MYO10: variants seen among roughly 807,000 people sequenced by gnomAD.
MYO10 encodes the protein myosin X.
MYO10 carries 133 observed loss-of-function variants against 257.3 expected under a neutral mutation model. The observed-to-expected ratio is 0.52, with a 90% confidence interval of 0.45 to 0.60. MYO10 has a LOEUF of 0.60. Among genes scored for constraint, MYO10 ranks in the 20% least tolerant of loss-of-function variants. The pLI, the probability that MYO10 is intolerant of heterozygous loss-of-function variation, is 0.00. For synonymous variants in MYO10, 1,104 were observed against 1,028.6 expected, an observed-to-expected ratio of 1.07 and a Z score of -1.40; for missense variants, 2,399 against 2,635.7, an observed-to-expected ratio of 0.91 and a Z score of 1.97.
rs1746443572 is a variant in MYO10, at chr5:16,936,279, C to T, written c.-471G>A. ...GCGCCGCGGCTCAGCCAGCTCTCGCCCGCGGGACTACAGCCCAGCGACCTC... is the reference window on the plus strand; with the variant it reads ...GCGCCGCGGCTCAGCCAGCTCTCGCTCGCGGGACTACAGCCCAGCGACCTC... On this transcript the variant is annotated 5_prime_UTR_variant, in exon 1 of 41. Coordinates refer to ENST00000513610, the MANE Select transcript of MYO10 (RefSeq NM_012334.3). The T allele has an allele frequency of 6.6e-6, 1 of 152,446 alleles. No individual in the cohort carries two copies. The highest frequency in any genetic ancestry group is 1.5e-5 in the Non-Finnish European group (1 of 68,758). The allele number at this position is 152,446 out of a possible 1,614,324, so 9.4% of individuals were successfully genotyped here.
chr5:16,802,836 G>T (rs1180795416), intron 3 of MYO10, among the ~76,000 whole-genome samples: 1 of 151,996 alleles, frequency 6.6e-6, no homozygotes. Context: ...AGTTTTAGAG[G>T]TTGGGTGTGG....
intron 5 of MYO10, among the ~76,000 whole-genome samples, chr5:16,782,266 C>T (rs1741446084): frequency 6.6e-6 from 1 of 152,128 alleles, no homozygotes. Context: ...TGGAGTCTGA[C>T]TAGATCAGGG....
chr5:16,813,773 A>C (rs1742514992), intron 3 of MYO10, among the ~76,000 whole-genome samples: 1 of 152,174 alleles, frequency 6.6e-6, no homozygotes, highest in African/African-American at 2.4e-5. Flanking sequence ...CCTTAAAAGC[A>C]GACAGCCTTT....
intron 3 of MYO10, among the ~76,000 whole-genome samples, chr5:16,807,924 A>G (rs1030748936): frequency 3.9e-5 from 6 of 152,036 alleles, no homozygotes; most frequent in African/African-American, 2.4e-5. Flanking sequence ...TCACTAATCA[A>G]TTAGGGACCT....
chr5:16,751,629 G>A (rs936931010), intron 19 of MYO10, among the ~76,000 whole-genome samples: 2 of 151,562 alleles, frequency 1.3e-5, no homozygotes, highest in African/African-American at 4.8e-5. Context: ...TTACAGGCAC[G>A]CGCCACCAAA....
chr5:16,803,706 A>G (rs376305488), intron 3 of MYO10, among the ~76,000 whole-genome samples: 5 of 152,362 alleles, frequency 3.3e-5, no homozygotes, highest in Admixed American at 1.3e-4. Context: ...CTTGAAAAGC[A>G]AAAAAGGAAA....
chr5:16,812,433 C>T (rs192365641), intron 3 of MYO10, among the ~76,000 whole-genome samples: 4 of 152,288 alleles, frequency 2.6e-5, no homozygotes, highest in African/African-American at 9.6e-5. Flanking sequence ...AGGAATGCAC[C>T]CACAGGAATA....
chr5:16,754,790 C>T lies in MYO10; in HGVS notation c.1929+38G>A, dbSNP rs763711014. ...AACCACCCCAGGAGGCTGTGTCCCT[C>T]GAGACAGATCCCAGCCTAGGACTGT... On this transcript the variant is annotated intron_variant, in intron 19 of 40. Coordinates refer to ENST00000513610, the MANE Select transcript of MYO10 (RefSeq NM_012334.3). The T allele has an allele frequency of 8.3e-5, 123 of 1,484,778 alleles. No homozygotes were observed. The East Asian group carries it at 1.1e-3, about 14-fold the overall frequency. The allele number at this position is 1,484,778 out of a possible 1,614,324, so 92.0% of individuals were successfully genotyped here.
chr5:16,675,644 A>G (rs993091095), intron 34 of MYO10, among the ~76,000 whole-genome samples: 2 of 152,274 alleles, frequency 1.3e-5, no homozygotes, highest in South Asian at 4.1e-4. Context: ...AGGCTGAGGC[A>G]TGAGAACGAC....
Position 16,794,650 on chromosome 5 carries a change from T to C in MYO10, c.463A>G (p.Ile155Val). Residue 155 changes from isoleucine to valine, a missense_variant, in exon 4 of 41, where the codon ATC becomes GTC. Around this residue, in one of 3 missense-constraint regions of MYO10, gnomAD observed 242 missense variants for 249.5 expected, o/e 0.97. Coordinates refer to ENST00000513610, the MANE Select transcript of MYO10 (RefSeq NM_012334.3). Reference protein sequence around the residue: ...WKRHDNQCILISGESGAGKTE... With the variant: ...WKRHDNQCILVSGESGAGKTE... ...ACTGGCTGTGAGCCCCGTTACCTGA[T>C]GAGGATGCACTGGTTGTCGTGGCGC... 6.2e-7 allele frequency: 1 copy of C among 1,607,918 alleles called. No individual in the cohort carries two copies. The highest frequency in any genetic ancestry group is 1.3e-5 in the African/African-American group (1 of 74,902).
At chr5:16,669,446 C>T (rs952702811) in intron 39 of MYO10, among the ~76,000 whole-genome samples, 2 of 152,104 alleles carry the variant, frequency 1.3e-5, no homozygotes, top group African/African-American at 4.8e-5. Flanking sequence ...CCTCATGATC[C>T]GCCCGCCTTG....
chr5:16,704,803 C>T, intron 21 of MYO10, 118 bp from the exon 22 acceptor site: 1 of 731,308 alleles, frequency 1.4e-6, no homozygotes. Context: ...TGATCCACCA[C>T]ATGGCCATGC....
At chr5:16,868,427 A>G (rs981420004) in intron 2 of MYO10, among the ~76,000 whole-genome samples, 3 of 151,264 alleles carry the variant, frequency 2.0e-5, no homozygotes, top group African/African-American at 4.8e-5. Flanking sequence ...ACACGGTGAA[A>G]CCCCGCCTCT....
chr5:16,707,903 C>T lies in MYO10; in HGVS notation c.2169+3005G>A, dbSNP rs183668834. Among the ~76,000 whole-genome samples the T allele has an allele frequency of 8.5e-5, 13 of 152,322 alleles. No individual in the cohort carries two copies. In the East Asian group the frequency reaches 1.9e-3, roughly 23 times the overall value. ...TTCAGACCTGGAGCCATGTCTAATT[C>T]GCTGCCTTCGACACTGGCTAAACTT... On this transcript the variant is annotated intron_variant, in intron 21 of 40. Transcript: ENST00000513610.
chr5:16,671,383 T>C (rs774694629), intron 38 of MYO10, 39 bp downstream of exon 38: 5 of 1,610,138 alleles, frequency 3.1e-6, no homozygotes, highest in Non-Finnish European at 4.2e-6. Flanking sequence ...TCACCCTTGC[T>C]TGCCGGCAAA....
chr5:16,754,707 C>A, intron 19 of MYO10, 121 bp downstream of exon 19: 1 of 561,086 alleles, frequency 1.8e-6, no homozygotes, highest in Admixed American at 3.4e-5. Context: ...ATAATAATGT[C>A]ATATCCATTT....
chr5:16,719,051 G>C (rs1739030520), intron 19 of MYO10, among the ~76,000 whole-genome samples: 1 of 150,530 alleles, frequency 6.6e-6, no homozygotes, highest in African/African-American at 2.4e-5. Context: ...CACTGTGGAA[G>C]CTTTGTTCTT....
intron 2 of MYO10, among the ~76,000 whole-genome samples, chr5:16,839,750 AAATT>A (rs1305537671): frequency 6.6e-6 from 1 of 152,096 alleles, no homozygotes; most frequent in African/African-American, 2.4e-5. Flanking sequence ...CAAAAAAAAT[AAATT>A]AATTAATTTA....
intron 25 of MYO10, among the ~76,000 whole-genome samples, chr5:16,700,145 G>T (rs1737974950): frequency 6.6e-6 from 1 of 152,132 alleles, no homozygotes; most frequent in South Asian, 2.1e-4. Context: ...AACTGGAAAA[G>T]AGTACATTTA....
Sources: allele counts gnomAD v4.1 joint callset (sites outside exome capture counted in the v4.1 genomes callset), GRCh38; gene constraint gnomAD v4.1.1; regional missense constraint gnomAD v4.1.1; transcripts MANE v1.5; gene names NCBI Gene and HGNC (gene_info 2026-07-23, HGNC 2026-07-21).